KCTD17: variants seen among roughly 807,000 people sequenced by gnomAD.
KCTD17 encodes the protein potassium channel tetramerization domain containing 17, also known as BTB/POZ domain-containing protein KCTD17.
A neutral mutation model predicts 41.5 loss-of-function variants in KCTD17; 20 were observed. The observed-to-expected ratio is 0.48, with a 90% confidence interval of 0.34 to 0.70. The LOEUF (loss-of-function observed/expected upper bound fraction) is 0.70, where lower values mean the gene tolerates loss of function less well. KCTD17 is among the 30% of genes least tolerant of loss of function. KCTD17 has a pLI of 0.01. For missense variants in KCTD17, 317 were observed against 427.2 expected, an observed-to-expected ratio of 0.74 and a Z score of 2.27; for synonymous variants, 156 against 173.8, an observed-to-expected ratio of 0.90 and a Z score of 0.80.
In KCTD17 at chr22:37,059,994, G is replaced by T. The variant is rs963595087; in HGVS notation, c.612+556G>T. Among the ~76,000 whole-genome samples the T allele has an allele frequency of 1.5e-4, 23 of 152,270 alleles. 1 individual carries two copies. The highest frequency in any genetic ancestry group is 8.5e-4 in the Admixed American group (13 of 15,312). On this transcript the variant is annotated intron_variant, in intron 5 of 8. Coordinates refer to ENST00000403888, the MANE Select transcript of KCTD17 (RefSeq NM_001282684.2). ...CCTCCTTGGCTGCTCTGCAGGATAGGGGCAGCCTGGTGGCTGCCAGTCCTG... is the reference window on the plus strand; with the variant it reads ...CCTCCTTGGCTGCTCTGCAGGATAGTGGCAGCCTGGTGGCTGCCAGTCCTG...
chr22:37,052,950 C>A, intron 1 of KCTD17, 150 bp from the exon 2 acceptor site: 1 of 628,648 alleles, frequency 1.6e-6, no homozygotes, highest in South Asian at 1.8e-5. Flanking sequence ...GAACTCAGGT[C>A]CATCTGACCC....
At chr22:37,054,276 G>A (rs1038775948) in intron 2 of KCTD17, among the ~76,000 whole-genome samples, 2 of 152,174 alleles carry the variant, frequency 1.3e-5, no homozygotes, top group African/African-American at 2.4e-5. Flanking sequence ...CATCGGGAGG[G>A]AAGTAAACAC....
At position 37,059,395 on chromosome 22, in the gene KCTD17, G is replaced by C. The variant is rs144682183; in HGVS notation, c.569G>C (p.Ser190Thr). ...FLCVVSKELH[S>T]TPNGLSSESS... is the part of the protein sequence containing the mutation. ...TGTGTGGTGTCCAAGGAGCTCCACA[G>C]CACCCCAAACGGGCTGAGCTCAGAG... The change falls in exon 5 of 9, where the codon AGC becomes ACC. Residue 190 changes from serine to threonine, a missense_variant. Ser to Thr is a moderately conservative substitution (Grantham distance 58, BLOSUM62 1). This residue lies in a region of KCTD17 where 177 missense variants were observed against 194.4 expected (regional missense o/e 0.91). Transcript: ENST00000403888. The C allele has an allele frequency of 4.5e-5, 73 of 1,612,466 alleles. No homozygotes were observed. Among genetic ancestry groups the C allele is most frequent in the Non-Finnish European group, 6.2e-5 (73 of 1,179,790 alleles).
In KCTD17 at chr22:37,061,004, C is replaced by T. The variant is rs540137583; in HGVS notation, c.712+82C>T. The T allele has an allele frequency of 7.2e-5, 111 of 1,546,014 alleles. No individual in the cohort carries two copies. In the Admixed American group the frequency reaches 8.5e-4, roughly 12 times the overall value. On this transcript the variant is annotated intron_variant, in intron 6 of 8. Coordinates refer to ENST00000403888, the MANE Select transcript of KCTD17 (RefSeq NM_001282684.2). The surrounding 1 kb of genome is among the most constrained non-coding windows in gnomAD (Gnocchi z 6.6). ...TCCTTGCTGGAGCCAGCTGCAGAAC[C>T]GGGGGCCCCGGGGCTGCTGGGGGGG... is the stretch of plus-strand genomic sequence containing the variant.
intron 6 of KCTD17, 63 bp downstream of exon 6, chr22:37,060,985 C>T (rs996176195): frequency 6.5e-7 from 1 of 1,542,620 alleles, no homozygotes; most frequent in Admixed American, 2.0e-5. Flanking sequence ...CCACTCCTTG[C>T]TGGAGCCAGC....
chr22:37,058,174 GGGGTT>G (rs1444957713), intron 4 of KCTD17, among the ~76,000 whole-genome samples: 4 of 152,210 alleles, frequency 2.6e-5, no homozygotes, highest in African/African-American at 9.7e-5. Context: ...AGAAGGAGAG[GGGGTT>G]GGCTAGCCTT....
Position 37,061,554 on chromosome 22 carries a change from C to G in KCTD17, c.800C>G (p.Pro267Arg). 6.2e-7 allele frequency: 1 copy of G among 1,601,804 alleles called. No homozygotes were observed. The highest frequency in any genetic ancestry group is 8.5e-7 in the Non-Finnish European group (1 of 1,179,702). Residue 267 changes from proline to arginine, a missense_variant, in exon 8 of 9, where the codon CCT becomes CGT. Transcript: ENST00000403888. This position sits in a 1 kb window ranked among gnomAD's most constrained non-coding sequence, Gnocchi z 6.6. ...PLPAGGSRPH[P>R]LRPEAELAVR... ...CTCCTTGCAGGTTCCCGTCCGCACC[C>G]TCTCAGACCTGAGGCTGAGCTTGCA...
rs866747575 is a variant in KCTD17, at chr22:37,052,000, C to G, written c.189+51C>G. The G allele has an allele frequency of 6.1e-6, 8 of 1,321,394 alleles. No individual in the cohort carries two copies. The East Asian group carries it at 2.2e-4, about 36-fold the overall frequency. The allele number at this position is 1,321,394 out of a possible 1,614,324, so 81.9% of individuals were successfully genotyped here. On this transcript the variant is annotated intron_variant, in intron 1 of 8. Transcript: ENST00000403888. ...GCGGGCGGTGGGTCCTCCGCTCGCCCGACGCGGGGCTGTCGGGCCTGGCTC... is the reference window on the plus strand; with the variant it reads ...GCGGGCGGTGGGTCCTCCGCTCGCCGGACGCGGGGCTGTCGGGCCTGGCTC...
At chr22:37,055,986 C>T (rs951208682) in intron 2 of KCTD17, among the ~76,000 whole-genome samples, 1 of 152,202 alleles carries the variant, frequency 6.6e-6, no homozygotes, top group African/African-American at 2.4e-5. Flanking sequence ...AGGCAAGGCC[C>T]TGCTCATGGT....
In KCTD17 at chr22:37,056,304, G is replaced by C. The variant is rs1056185601; in HGVS notation, c.299-16G>C. On this transcript the variant is annotated splice_polypyrimidine_tract_variant and intron_variant, in intron 2 of 8. Transcript: ENST00000403888. ...AGGCAGAAGGAGTGACCTGGGATCT[G>C]TTCTGTCTGTGCCAGGGGTCCTGGA... is the stretch of plus-strand genomic sequence containing the variant. 5 of 1,610,452 alleles carry C rather than the reference G, an allele frequency of 3.1e-6. No individual in the cohort carries two copies. Among genetic ancestry groups the C allele is most frequent in the Non-Finnish European group, 4.2e-6 (5 of 1,177,980 alleles).
At position 37,053,055 on chromosome 22, in the gene KCTD17, GA is replaced by G. The variant is rs1327540099; in HGVS notation, c.190-44del. 1 of 1,468,432 alleles carries G rather than the reference GA, an allele frequency of 6.8e-7. No individual in the cohort carries two copies. Among genetic ancestry groups the G allele is most frequent in the African/African-American group, 1.4e-5 (1 of 71,328 alleles). 91.0% of individuals were successfully genotyped at this position (1,468,432 alleles called of 1,614,324 possible). A position where few individuals can be genotyped will look rare whatever the true frequency, so the allele number is the denominator to read the frequency against. On this transcript the variant is annotated intron_variant, in intron 1 of 8. Coordinates refer to ENST00000403888, the MANE Select transcript of KCTD17 (RefSeq NM_001282684.2). This position sits in a 1 kb window ranked among gnomAD's most constrained non-coding sequence, Gnocchi z 4.1. ...CTGTGCGTGTGCGGGGTTGGCTGGG[GA>G]GAAGCCTCACTCTTCTCTCACCGAG... is the stretch of plus-strand genomic sequence containing the variant.
intron 2 of KCTD17, among the ~76,000 whole-genome samples, chr22:37,054,087 G>T (rs1924815348): frequency 6.6e-6 from 1 of 152,158 alleles, no homozygotes; most frequent in Non-Finnish European, 1.5e-5. Flanking sequence ...GCCATGGTCT[G>T]CCCTCCCTGA....
chr22:37,059,218 CTGG>C, intron 4 of KCTD17, 92 bp from the exon 5 acceptor site: 1 of 1,542,660 alleles, frequency 6.5e-7, no homozygotes, highest in South Asian at 1.1e-5. Context: ...AGGACCTGAG[CTGG>C]TATCTTGATT....
At position 37,059,627 on chromosome 22, in the gene KCTD17, G is replaced by A. The variant is rs1051903394; in HGVS notation, c.612+189G>A. 4.3e-6 allele frequency: 3 copies of A among 696,452 alleles called. No individual in the cohort carries two copies. The Admixed American group carries it at 8.8e-5, about 21-fold the overall frequency. 43.1% of individuals were successfully genotyped at this position (696,452 alleles called of 1,614,324 possible). A position where few individuals can be genotyped will look rare whatever the true frequency, so the allele number is the denominator to read the frequency against. On this transcript the variant is annotated intron_variant, in intron 5 of 8. Coordinates refer to ENST00000403888, the MANE Select transcript of KCTD17 (RefSeq NM_001282684.2). Reference sequence around the variant, plus strand: ...GCCGTTACCCAGGCCCAGGCTGGGAGCAGTGAAATGAGAGCATCCCCAGGG... The same window carrying A: ...GCCGTTACCCAGGCCCAGGCTGGGAACAGTGAAATGAGAGCATCCCCAGGG...
chr22:37,061,340 C>G lies in KCTD17; in HGVS notation c.784+165C>G. Reference sequence around the variant, plus strand: ...TGCCCTCCACCCAGGCCCCCTGGCCCTGCATCCCAGAGCGTCCTGCCTGCC... The same window carrying G: ...TGCCCTCCACCCAGGCCCCCTGGCCGTGCATCCCAGAGCGTCCTGCCTGCC... On this transcript the variant is annotated intron_variant, in intron 7 of 8. Coordinates refer to ENST00000403888, the MANE Select transcript of KCTD17 (RefSeq NM_001282684.2). This position sits in a 1 kb window ranked among gnomAD's most constrained non-coding sequence, Gnocchi z 6.6. 2 of 1,488,566 alleles carry G rather than the reference C, an allele frequency of 1.3e-6. No homozygotes were observed. Among genetic ancestry groups the G allele is most frequent in the Admixed American group, 4.3e-5 (2 of 46,918 alleles). The allele number at this position is 1,488,566 out of a possible 1,614,324, so 92.2% of individuals were successfully genotyped here. A position where few individuals can be genotyped will look rare whatever the true frequency, so the allele number is the denominator to read the frequency against.
Position 37,061,094 on chromosome 22 carries a change from C to G in KCTD17, c.713-10C>G. 1 of 1,551,538 alleles carries G rather than the reference C, an allele frequency of 6.4e-7. No homozygotes were observed. The highest frequency in any genetic ancestry group is 8.7e-7 in the Non-Finnish European group (1 of 1,146,936). ...GCATAACCATCCCTTCTCTCACTTTCTCTTTGCAGCCCAGTCATCTCAGGA... is the reference window on the plus strand; with the variant it reads ...GCATAACCATCCCTTCTCTCACTTTGTCTTTGCAGCCCAGTCATCTCAGGA... On this transcript the variant is annotated splice_polypyrimidine_tract_variant and intron_variant, in intron 6 of 8. Coordinates refer to ENST00000403888, the MANE Select transcript of KCTD17 (RefSeq NM_001282684.2). This position sits in a 1 kb window ranked among gnomAD's most constrained non-coding sequence, Gnocchi z 6.6.
At chr22:37,054,517 G>A (rs1217751278) in intron 2 of KCTD17, among the ~76,000 whole-genome samples, 14 of 151,910 alleles carry the variant, frequency 9.2e-5, no homozygotes, top group East Asian at 3.9e-4. Flanking sequence ...AGGGCTATCC[G>A]GGGGCTAGGG....
chr22:37,059,918 G>C (rs1925579313), intron 5 of KCTD17, among the ~76,000 whole-genome samples: 2 of 152,212 alleles, frequency 1.3e-5, no homozygotes, highest in African/African-American at 4.8e-5. Flanking sequence ...CAGCTGGCCT[G>C]AGCCAGGATG....
At chr22:37,054,424 C>G (rs1417303939) in intron 2 of KCTD17, among the ~76,000 whole-genome samples, 2 of 148,590 alleles carry the variant, frequency 1.3e-5, no homozygotes, top group African/African-American at 5.2e-5. Context: ...TCACACAGGG[C>G]TATCTGGGGG....
Sources: gnomAD v4.1 joint callset for allele counts (sites outside exome capture counted in the v4.1 genomes callset) on GRCh38, gnomAD v4.1.1 for gene constraint, gnomAD v4.1.1 regional missense constraint, Gnocchi (gnomAD v3.1) non-coding constraint, MANE v1.5 for transcripts, NCBI Gene and HGNC (gene_info 2026-07-23, HGNC 2026-07-21) for gene names.